LRP6: variants seen among roughly 807,000 people sequenced by gnomAD.
LRP6 encodes low-density lipoprotein receptor-related protein 6.
LRP6 carries 43 observed loss-of-function variants against 184.1 expected under a neutral mutation model. The ratio of observed to expected loss-of-function variants is 0.23; its 90% CI spans 0.18 to 0.30. LRP6 has a LOEUF of 0.30. LRP6 is among the 10% of genes least tolerant of loss of function. LRP6 has a pLI of 1.00. For synonymous variants in LRP6, 719 were observed against 684.9 expected (o/e 1.05, Z -0.78); for missense variants, 1,571 against 2,005.3 (o/e 0.78, Z 4.14).
At chr12:12,229,013 G>C (rs1864704022) in intron 2 of LRP6, among the ~76,000 whole-genome samples, 1 of 152,090 alleles carries the variant, frequency 6.6e-6, no homozygotes, top group African/African-American at 2.4e-5. Flanking sequence ...GAAAAGTCCT[G>C]AGGGAAAAAA....
Position 12,147,481 on chromosome 12 carries a change from C to G in LRP6, c.3282G>C (p.Glu1094Asp), listed in dbSNP as rs1195105204. ...TACTTAAGCCACTGAAAAAGAGGAC[C>G]TCCCGTTCTGTCCCATCCAAAGCAG... is the stretch of plus-strand genomic sequence containing the variant. Reference protein sequence around the residue: ...ERAALDGTEREVLFFSGLSKP... With the variant: ...ERAALDGTERDVLFFSGLSKP... Residue 1094 changes from glutamate (E) to aspartate (D), a missense_variant, in exon 15 of 23, where the codon GAG becomes GAC. Physicochemically the swap from Glu to Asp is conservative, Grantham distance 45 (BLOSUM62 2). Transcript: ENST00000261349. 1.9e-6 allele frequency: 3 copies of G among 1,614,052 alleles called. No individual in the cohort carries two copies. The South Asian group carries it at 3.3e-5, about 18-fold the overall frequency.
intron 19 of LRP6, among the ~76,000 whole-genome samples, chr12:12,130,400 G>C (rs1025377410): frequency 5.3e-5 from 8 of 152,076 alleles, no homozygotes; most frequent in African/African-American, 1.9e-4. Context: ...TGGCCAGGCT[G>C]GTCTCGAACT....
intron 12 of LRP6, among the ~76,000 whole-genome samples, chr12:12,152,771 T>TG (rs1177437485): frequency 1.3e-5 from 2 of 152,242 alleles, no homozygotes; most frequent in African/African-American, 4.8e-5. Context: ...CACGACTCCT[T>TG]GCTTTATTTC....
At chr12:12,193,857 T>C (rs1008261777) in intron 3 of LRP6, among the ~76,000 whole-genome samples, 3 of 152,112 alleles carry the variant, frequency 2.0e-5, no homozygotes, top group Non-Finnish European at 4.4e-5. Flanking sequence ...ATGAGGCTGA[T>C]ATTATGCTAA....
chr12:12,175,985 C>A, intron 7 of LRP6, among the ~76,000 whole-genome samples: 2 of 150,812 alleles, frequency 1.3e-5, no homozygotes. Flanking sequence ...GTACTACAGG[C>A]CCTCAGTGCA....
Position 12,266,974 on chromosome 12 carries a change from T to A in LRP6, c.-239A>T, listed in dbSNP as rs937704626. 1.3e-5 allele frequency: 7 copies of A among 528,858 alleles called. No individual in the cohort carries two copies. The highest frequency in any genetic ancestry group is 1.6e-5 in the Non-Finnish European group (5 of 303,262). The allele number at this position is 528,858 out of a possible 1,614,324, so 32.8% of individuals were successfully genotyped here. A position where few individuals can be genotyped will look rare whatever the true frequency, so the allele number is the denominator to read the frequency against. ...CGTCTGCTTCCATCCCGCCGCCTCC[T>A]CCCCCGGCGCCCCGCTTCCCCCGCG... On this transcript the variant is annotated 5_prime_UTR_variant, in exon 1 of 23. Transcript: ENST00000261349.
At chr12:12,129,098 T>C (rs1034809579) in intron 19 of LRP6, among the ~76,000 whole-genome samples, 6 of 152,198 alleles carry the variant, frequency 3.9e-5, no homozygotes, top group African/African-American at 1.4e-4. Flanking sequence ...ATAACATGGG[T>C]AAATATTTAA....
intron 2 of LRP6, among the ~76,000 whole-genome samples, chr12:12,242,646 C>T (rs192053536): frequency 1.9e-3 from 295 of 152,346 alleles, no homozygotes; most frequent in Admixed American, 5.3e-3. Flanking sequence ...ACAGTTACAT[C>T]TGAGACCTCC....
chr12:12,118,789 T>C lies in LRP6; in HGVS notation c.*2337A>G, dbSNP rs2241181. 39 of 152,320 alleles carry C rather than the reference T, an allele frequency of 2.6e-4. No individual in the cohort carries two copies. The East Asian group carries it at 6.0e-3, about 23-fold the overall frequency. The allele number at this position is 152,320 out of a possible 1,614,324, so 9.4% of individuals were successfully genotyped here. On this transcript the variant is annotated 3_prime_UTR_variant, in exon 23 of 23. Coordinates refer to ENST00000261349, the MANE Select transcript of LRP6 (RefSeq NM_002336.3). ...CTGCCTTCAAATAATTTTAAACAAATTGGCACACAAATTAGTATTTTGAAG... is the reference window on the plus strand; with the variant it reads ...CTGCCTTCAAATAATTTTAAACAAACTGGCACACAAATTAGTATTTTGAAG...
rs988272645 is a variant in LRP6 at position 12,223,550 on chromosome 12, G to C, written c.450-20150C>G. 2.0e-5 allele frequency among the ~76,000 whole-genome samples: 3 copies of C among 152,020 alleles called. No individual in the cohort carries two copies. The South Asian group carries it at 6.2e-4, about 32-fold the overall frequency. ...TCAACAATATGACTGGTAATACATA[G>C]GTATGGGCCTAACACCCTCCCCCAG... is the stretch of plus-strand genomic sequence containing the variant. On this transcript the variant is annotated intron_variant, in intron 2 of 22. Transcript: ENST00000261349.
chr12:12,259,666 C>T (rs1033037414), intron 1 of LRP6, among the ~76,000 whole-genome samples: 1 of 152,108 alleles, frequency 6.6e-6, no homozygotes, highest in African/African-American at 2.4e-5. Flanking sequence ...TACCAAATAA[C>T]CTTGTTTCCT....
At chr12:12,179,421 T>C (rs1294314300) in intron 7 of LRP6, among the ~76,000 whole-genome samples, 4 of 151,986 alleles carry the variant, frequency 2.6e-5, no homozygotes, top group Non-Finnish European at 5.9e-5. Flanking sequence ...GATATAGATA[T>C]ACACATACAT....
intron 1 of LRP6, among the ~76,000 whole-genome samples, chr12:12,265,460 G>A (rs1361144375): frequency 6.6e-6 from 1 of 152,012 alleles, no homozygotes; most frequent in Non-Finnish European, 1.5e-5. Context: ...CACAGTACAC[G>A]CAAAAATATA....
intron 2 of LRP6, among the ~76,000 whole-genome samples, chr12:12,218,480 A>G (rs1864405406): frequency 1.4e-4 from 2 of 13,922 alleles, no homozygotes; most frequent in African/African-American, 2.3e-4. Context: ...CTCTCTCAAT[A>G]ATAATAATAA....
At chr12:12,172,931 G>T (rs1308047381) in intron 7 of LRP6, among the ~76,000 whole-genome samples, 3 of 152,140 alleles carry the variant, frequency 2.0e-5, no homozygotes, top group Non-Finnish European at 4.4e-5. Flanking sequence ...CCTACTTCAA[G>T]ATACATTAAG....
At chr12:12,239,001 G>A (rs193101335) in intron 2 of LRP6, among the ~76,000 whole-genome samples, 289 of 152,168 alleles carry the variant, frequency 1.9e-3, no homozygotes, top group Middle Eastern at 3.4e-3. Flanking sequence ...ACCAAACACG[G>A]AATTCAAAAA....
chr12:12,201,187 C>T (rs1039999957), intron 3 of LRP6, among the ~76,000 whole-genome samples: 1 of 152,066 alleles, frequency 6.6e-6, no homozygotes, highest in African/African-American at 2.4e-5. Flanking sequence ...TCTTTCCTTC[C>T]CCTCCTGTTT....
At chr12:12,192,524 A>C (rs998593277) in intron 3 of LRP6, among the ~76,000 whole-genome samples, 6 of 152,090 alleles carry the variant, frequency 3.9e-5, no homozygotes, top group Non-Finnish European at 5.9e-5. Context: ...TGTTTATAAA[A>C]GCACATTTTA....
At chr12:12,225,057 T>C (rs1864580517) in intron 2 of LRP6, among the ~76,000 whole-genome samples, 1 of 151,966 alleles carries the variant, frequency 6.6e-6, no homozygotes, top group Non-Finnish European at 1.5e-5. Context: ...ATACAAAAAT[T>C]AGCCGGTTGT....
Sources: allele counts gnomAD v4.1 joint callset (sites outside exome capture counted in the v4.1 genomes callset), GRCh38; gene constraint gnomAD v4.1.1; transcripts MANE v1.5; gene names NCBI Gene and HGNC (gene_info 2026-07-23, HGNC 2026-07-21).